CFAP46: variants seen among roughly 807,000 people sequenced by gnomAD.
CFAP46 encodes cilia- and flagella-associated protein 46.
Under a neutral mutation model 325.7 loss-of-function variants are expected in CFAP46, and 245 were observed. That is an observed-to-expected ratio of 0.75 (90% CI 0.68 to 0.84). CFAP46 has a LOEUF of 0.84. CFAP46 is among the 40% of genes least tolerant of loss of function. The pLI is 0.00. For missense variants in CFAP46, 3,346 were observed against 3,543.0 expected (o/e 0.94, Z 1.41); for synonymous variants, 1,523 against 1,495.9 (o/e 1.02, Z -0.42).
In CFAP46 at chr10:132,926,356, C is replaced by A. The variant is rs1022553030; in HGVS notation, c.1065+212G>T. Among the ~76,000 whole-genome samples, 5 of 152,276 alleles carry A rather than the reference C, an allele frequency of 3.3e-5. No homozygotes were observed. In the South Asian group the frequency reaches 6.2e-4, roughly 19 times the overall value. On this transcript the variant is annotated intron_variant, in intron 10 of 57. Transcript: ENST00000368586. ...CCCCCACCTGCACGACCCCACCCCA[C>A]CAGGGCGGCGTGTAGGCCCCTGTGC...
At chr10:132,844,772 G>T (rs1001762991) in intron 44 of CFAP46, among the ~76,000 whole-genome samples, 1 of 152,174 alleles carries the variant, frequency 6.6e-6, no homozygotes, top group African/African-American at 2.4e-5. Context: ...CCCGTGCCCA[G>T]CTCACCCACA....
rs1374351419 is a variant in CFAP46, at chr10:132,808,885, C to G, written c.7684G>C (p.Glu2562Gln). 6.3e-7 allele frequency: 1 copy of G among 1,593,920 alleles called. No homozygotes were observed. Among genetic ancestry groups the G allele is most frequent in the African/African-American group, 1.3e-5 (1 of 74,550 alleles). ...TTTGGAGCAGCAGCAGCTTGTCCTT[C>G]AAGGTCTGAGAAGCCTCGTCTGTGG... ...GEPRRGFSDLEGQAAAAPKLR... is the reference protein window; with the variant it reads ...GEPRRGFSDLQGQAAAAPKLR... Residue 2562 changes from glutamate (E) to glutamine (Q), a missense_variant, in exon 58 of 58, where the codon GAA (glutamate) becomes CAA (glutamine). Coordinates refer to ENST00000368586, the MANE Select transcript of CFAP46 (RefSeq NM_001200049.3). This position sits in a 1 kb window ranked among gnomAD's most constrained non-coding sequence, Gnocchi z 6.8.
intron 31 of CFAP46, 48 bp from the exon 32 acceptor site, chr10:132,872,872 A>G (rs1171700941): frequency 6.5e-7 from 1 of 1,547,144 alleles, no homozygotes. Context: ...GCGGGTGTAG[A>G]CCACAAGCAT....
At chr10:132,837,817 A>G (rs1848287363) in intron 44 of CFAP46, among the ~76,000 whole-genome samples, 1 of 150,608 alleles carries the variant, frequency 6.6e-6, no homozygotes, top group South Asian at 2.1e-4. Flanking sequence ...ACACGTACAC[A>G]GATGCACACA....
Position 132,808,625 on chromosome 10 carries a change from G to A in CFAP46, c.7944C>T (p.Ala2648=). 1 of 1,609,596 alleles carries A rather than the reference G, an allele frequency of 6.2e-7. No homozygotes were observed. The highest frequency in any genetic ancestry group is 1.3e-5 in the African/African-American group (1 of 74,954). The change falls in exon 58 of 58, where the codon GCC becomes GCT. Residue 2648 remains alanine (A), a synonymous_variant. Transcript: ENST00000368586. The surrounding 1 kb of genome is among the most constrained non-coding windows in gnomAD (Gnocchi z 6.8). ...GGGAAGTCGCTGGGGGAGGGTCCCTGGCTGAGGCTGCACCAAGGGCTGGGG... is the reference window on the plus strand; with the variant it reads ...GGGAAGTCGCTGGGGGAGGGTCCCTAGCTGAGGCTGCACCAAGGGCTGGGG... ...GLSPALGAAS[A]RDPPPATSRK...
In CFAP46 at chr10:132,808,844, G is replaced by A. The variant is rs2134734178; in HGVS notation, c.7725C>T (p.Ser2575=). The A allele has an allele frequency of 1.9e-6, 3 of 1,604,404 alleles. No homozygotes were observed. The East Asian group carries it at 6.7e-5, about 36-fold the overall frequency. The part of the protein sequence containing the change: ...AAAAPKLRAP[S]HHAQLGPVWA... Reference sequence around the variant, plus strand: ...ATACAGGACCAAGTTGAGCGTGGTGGGAAGGAGCTCGGAGCTTTGGAGCAG... The same window carrying A: ...ATACAGGACCAAGTTGAGCGTGGTGAGAAGGAGCTCGGAGCTTTGGAGCAG... The change falls in exon 58 of 58, where the codon TCC becomes TCT. Residue 2575 remains serine, a synonymous_variant. Coordinates refer to ENST00000368586, the MANE Select transcript of CFAP46 (RefSeq NM_001200049.3). The surrounding 1 kb of genome is among the most constrained non-coding windows in gnomAD (Gnocchi z 6.8).
chr10:132,814,251 A>G lies in CFAP46; in HGVS notation c.7289T>C (p.Met2430Thr). 5.6e-6 allele frequency: 9 copies of G among 1,612,086 alleles called. No individual in the cohort carries two copies. Among genetic ancestry groups the G allele is most frequent in the Non-Finnish European group, 7.6e-6 (9 of 1,178,436 alleles). The change falls in exon 54 of 58, where the codon ATG becomes ACG. Residue 2430 changes from methionine (M) to threonine (T), a missense_variant. Physicochemically the swap from Met to Thr is moderately conservative, Grantham distance 81. Transcript: ENST00000368586. ...DPYEEAQGPE[M>T]LTPVSITQDI... ...TTGGGTGATGGAGACAGGAGTTAGC[A>G]TTTCTGCAAGGAGAACAGGGTGGAT...
chr10:132,821,247 TGTGC>T (rs1847812112), intron 50 of CFAP46, among the ~76,000 whole-genome samples: 3 of 136,232 alleles, frequency 2.2e-5, no homozygotes, highest in East Asian at 2.4e-4. Context: ...GTGCTGTGTG[TGTGC>T]TGTGTGAGCG....
chr10:132,912,843 G>C, intron 18 of CFAP46, 23 bp from the exon 19 acceptor site: 2 of 1,545,478 alleles, frequency 1.3e-6, no homozygotes, highest in Non-Finnish European at 1.7e-6. Context: ...CTTGTCAGAG[G>C]GAACCTTGGC....
chr10:132,832,788 C>T lies in CFAP46; in HGVS notation c.7117+570G>A, dbSNP rs886656879. The T allele has an allele frequency of 8.5e-6, 4 of 471,128 alleles. No individual in the cohort carries two copies. Among genetic ancestry groups the T allele is most frequent in the African/African-American group, 2.0e-5 (1 of 50,026 alleles). The allele number at this position is 471,128 out of a possible 1,614,324, so 29.2% of individuals were successfully genotyped here. On this transcript the variant is annotated intron_variant, in intron 50 of 57. Transcript: ENST00000368586. This position sits in a 1 kb window ranked among gnomAD's most constrained non-coding sequence, Gnocchi z 4.1. ...GGTCAGGGCCTTCCGCGCGCTCCCT[C>T]GTGCTTTTCACTGTCTGAGTGATTA...
At position 132,814,839 on chromosome 10, in the gene CFAP46, C is replaced by A; in HGVS notation, c.7188+5G>T. ...CCCGATCCCCTATCACAGGCCCCCA[C>A]CCACCTTCCTGCCCTTCTTCGCTAG... On this transcript the variant is annotated splice_donor_5th_base_variant and intron_variant, in intron 51 of 57. Transcript: ENST00000368586. 6.2e-7 allele frequency: 1 copy of A among 1,614,180 alleles called. No homozygotes were observed. The highest frequency in any genetic ancestry group is 8.5e-7 in the Non-Finnish European group (1 of 1,180,024).
At position 132,860,907 on chromosome 10, in the gene CFAP46, C is replaced by T. The variant is rs1848712585; in HGVS notation, c.4966G>A (p.Gly1656Arg). The T allele has an allele frequency of 4.5e-6, 7 of 1,550,680 alleles. No individual in the cohort carries two copies. The highest frequency in any genetic ancestry group is 6.1e-6 in the Non-Finnish European group (7 of 1,147,052). Reference protein sequence around the residue: ...AQLANKEKNYGQAKKMIAQAQ... With the variant: ...AQLANKEKNYRQAKKMIAQAQ... ...TGTGCGATCATTTTCTTGGCTTGTC[C>T]ATAGTTTTTCTCCTTGTTGGCCAAC... Residue 1656 changes from glycine (G) to arginine (R), a missense_variant, in exon 36 of 58, where the codon GGA becomes AGA. Transcript: ENST00000368586.
At chr10:132,820,760 G>A (rs1847786155) in intron 50 of CFAP46, among the ~76,000 whole-genome samples, 2 of 120,322 alleles carry the variant, frequency 1.7e-5, no homozygotes, top group South Asian at 3.4e-4. Flanking sequence ...GTGTGCTGAT[G>A]TGTGCTGTGT....
At chr10:132,858,191 G>A (rs1042772089) in intron 38 of CFAP46, among the ~76,000 whole-genome samples, 5 of 152,356 alleles carry the variant, frequency 3.3e-5, no homozygotes, top group African/African-American at 1.2e-4. Flanking sequence ...CACTGGGCCC[G>A]CCGTGTCGAG....
At position 132,942,041 on chromosome 10, in the gene CFAP46, A is replaced by T; in HGVS notation, c.113T>A (p.Phe38Tyr). The change falls in exon 2 of 58, where the codon TTT becomes TAT. Residue 38 changes from phenylalanine to tyrosine, a missense_variant. By Grantham distance (22) the Phe-to-Tyr change is conservative. Transcript: ENST00000368586. ...TGGGCTGAAGCTCTCTGAGGGGTCA[A>T]ACTCCGATTTCCCTAGGTTGGCCGA... ...IKSANLGKSE[F>Y]DPSESFSPDL... 6.4e-7 allele frequency: 1 copy of T among 1,551,776 alleles called. No individual in the cohort carries two copies. The highest frequency in any genetic ancestry group is 8.7e-7 in the Non-Finnish European group (1 of 1,146,966).
At chr10:132,924,043 C>A (rs1209773097) in intron 11 of CFAP46, among the ~76,000 whole-genome samples, 1 of 152,080 alleles carries the variant, frequency 6.6e-6, no homozygotes, top group Non-Finnish European at 1.5e-5. Flanking sequence ...GTGCTGACGG[C>A]AACGAAGAGG....
chr10:132,932,768 C>T (rs1357083246), intron 8 of CFAP46, among the ~76,000 whole-genome samples: 1 of 152,266 alleles, frequency 6.6e-6, no homozygotes. Flanking sequence ...ATGCAAGGAC[C>T]CACAGTGCTC....
intron 43 of CFAP46, among the ~76,000 whole-genome samples, chr10:132,846,715 T>A (rs902704285): frequency 6.6e-6 from 1 of 152,272 alleles, no homozygotes; most frequent in African/African-American, 2.4e-5. Context: ...CAGGTCTCCA[T>A]GTCTGCCCGA....
At chr10:132,937,519 T>G (rs531038620) in intron 6 of CFAP46, 33 bp downstream of exon 6, 26 of 1,612,224 alleles carry the variant, frequency 1.6e-5, no homozygotes, top group Middle Eastern at 1.7e-4. Flanking sequence ...GAAAATTACT[T>G]CTTACGTCTC....
Sources: allele counts gnomAD v4.1 joint callset (sites outside exome capture counted in the v4.1 genomes callset), GRCh38; gene constraint gnomAD v4.1.1; non-coding constraint Gnocchi (gnomAD v3.1); transcripts MANE v1.5; gene names NCBI Gene and HGNC (gene_info 2026-07-23, HGNC 2026-07-21).